Variants in PTPRD observed in about 807,000 individuals in gnomAD.
The protein encoded by PTPRD is receptor-type tyrosine-protein phosphatase delta.
In PTPRD, 34 loss-of-function variants were observed where a neutral mutation model predicts 214.5. The observed-to-expected ratio is 0.16, with a 90% CI of 0.12 to 0.21. PTPRD has a LOEUF of 0.21. PTPRD is among the 10% of genes least tolerant of loss of function. The pLI is 1.00. For missense variants in PTPRD, 2,545 were observed against 2,398.7 expected (o/e 1.06, Z -1.27); for synonymous variants, 1,128 against 845.7 (o/e 1.33, Z -5.79).
At position 10,279,193 on chromosome 9, in the gene PTPRD, A is replaced by AG. The variant is rs1312432288; in HGVS notation, c.-545+61769_-545+61770insC. Among the ~76,000 whole-genome samples the AG allele has an allele frequency of 3.5e-3, 538 of 152,296 alleles. 5 individuals are homozygous for AG. Among genetic ancestry groups the AG allele is most frequent in the African/African-American group, 0.012 (519 of 41,554 alleles). On this transcript the variant is annotated intron_variant, in intron 3 of 45. Coordinates refer to ENST00000381196, the MANE Select transcript of PTPRD (RefSeq NM_002839.4). ...CTCCACTCTTGTCAGTAGTAAGAAC[A>AG]TATTAACAAGTGTAGTTCAAGGGCA... is the stretch of plus-strand genomic sequence containing the variant.
At chr9:9,552,506 C>T (rs1007583825) in intron 8 of PTPRD, among the ~76,000 whole-genome samples, 2 of 152,016 alleles carry the variant, frequency 1.3e-5, no homozygotes, top group Non-Finnish European at 2.9e-5. Context: ...CTTACTTCAG[C>T]TTATGAAATG....
At chr9:9,115,980 A>T (rs1282837435) in intron 10 of PTPRD, among the ~76,000 whole-genome samples, 7 of 152,176 alleles carry the variant, frequency 4.6e-5, no homozygotes, top group Non-Finnish European at 8.8e-5. Flanking sequence ...CAGAAAATCA[A>T]ATACTGCATG....
intron 9 of PTPRD, among the ~76,000 whole-genome samples, chr9:9,344,711 T>A (rs959480889): frequency 7.9e-5 from 12 of 152,078 alleles, no homozygotes; most frequent in Admixed American, 2.0e-4. Flanking sequence ...ACATTTTAGA[T>A]GGTAGATACA....
chr9:9,693,900 A>G (rs1159738863), intron 7 of PTPRD, among the ~76,000 whole-genome samples: 1 of 152,162 alleles, frequency 6.6e-6, no homozygotes, highest in African/African-American at 2.4e-5. Flanking sequence ...TGCATTCTTC[A>G]TCATGTCAAT....
intron 9 of PTPRD, among the ~76,000 whole-genome samples, chr9:9,312,647 T>C (rs1308015653): frequency 2.0e-5 from 3 of 152,070 alleles, no homozygotes; most frequent in African/African-American, 7.2e-5. Flanking sequence ...GGGATGTCAT[T>C]TTGTCCCAGG....
At chr9:9,918,434 C>A (rs935564309) in intron 5 of PTPRD, among the ~76,000 whole-genome samples, 1 of 148,966 alleles carries the variant, frequency 6.7e-6, no homozygotes, top group African/African-American at 2.5e-5. Flanking sequence ...TAAAAAGACA[C>A]CCCATGCTCA....
intron 9 of PTPRD, among the ~76,000 whole-genome samples, chr9:9,333,028 G>A (rs1284205270): frequency 6.6e-6 from 1 of 152,058 alleles, no homozygotes; most frequent in Non-Finnish European, 1.5e-5. Context: ...CTGAATCGGT[G>A]GAACACAGAG....
intron 7 of PTPRD, among the ~76,000 whole-genome samples, chr9:9,588,307 T>C (rs2092321652): frequency 6.6e-6 from 1 of 151,956 alleles, no homozygotes; most frequent in Non-Finnish European, 1.5e-5. Context: ...ATTCAGTTCC[T>C]TTATTCATGG....
chr9:10,018,438 A>G (rs2096769873), intron 4 of PTPRD, among the ~76,000 whole-genome samples: 1 of 151,962 alleles, frequency 6.6e-6, no homozygotes, highest in Admixed American at 6.6e-5. Flanking sequence ...ATCGTGTGAT[A>G]CAAATAGCAG....
At chr9:9,319,426 T>C (rs1965237520) in intron 9 of PTPRD, among the ~76,000 whole-genome samples, 1 of 152,098 alleles carries the variant, frequency 6.6e-6, no homozygotes, top group Non-Finnish European at 1.5e-5. Context: ...TGGCCAAAGA[T>C]AAAAATAAAA....
intron 8 of PTPRD, among the ~76,000 whole-genome samples, chr9:9,477,226 T>C (rs910156885): frequency 6.6e-6 from 1 of 152,236 alleles, no homozygotes; most frequent in East Asian, 1.9e-4. Context: ...AGTTTACTAC[T>C]ATTCAACTGT....
chr9:9,672,612 A>G (rs2096852780), intron 7 of PTPRD, among the ~76,000 whole-genome samples: 1 of 152,114 alleles, frequency 6.6e-6, no homozygotes, highest in Non-Finnish European at 1.5e-5. Flanking sequence ...GCTACTTCAC[A>G]TAGAGAATGA....
chr9:9,150,562 T>C (rs1334289027), intron 10 of PTPRD, among the ~76,000 whole-genome samples: 1 of 150,896 alleles, frequency 6.6e-6, no homozygotes, highest in Non-Finnish European at 1.5e-5. Context: ...TGATTTCAGC[T>C]CAGCAAACTC....
At chr9:9,769,644 C>T (rs374966170) in intron 5 of PTPRD, among the ~76,000 whole-genome samples, 4 of 151,936 alleles carry the variant, frequency 2.6e-5, no homozygotes, top group Admixed American at 2.6e-4. Flanking sequence ...CCCTTTTATA[C>T]ACATGTGCAG....
At position 8,507,414 on chromosome 9, in the gene PTPRD, A is replaced by G. The variant is rs2097564509; in HGVS notation, c.1564T>C (p.Phe522Leu). 1.9e-6 allele frequency: 3 copies of G among 1,613,872 alleles called. No individual in the cohort carries two copies. In the African/African-American group the frequency reaches 4.0e-5, roughly 22 times the overall value. The part of the protein sequence containing the change: ...QTGVPGQPLN[F>L]KAEPESETSI... ...GTTTCAGACTCAGGTTCTGCTTTGA[A>G]GTTTAGTGGCTGCCCTGGTACTAAA... Residue 522 changes from phenylalanine to leucine, a missense_variant, in exon 22 of 46, where the codon TTC becomes CTC. Physicochemically the swap from Phe to Leu is conservative, Grantham distance 22. Coordinates refer to ENST00000381196, the MANE Select transcript of PTPRD (RefSeq NM_002839.4).
intron 3 of PTPRD, among the ~76,000 whole-genome samples, chr9:10,255,393 A>G (rs755130871): frequency 7.9e-5 from 12 of 152,228 alleles, no homozygotes; most frequent in Admixed American, 3.3e-4. Flanking sequence ...ATAACACAAT[A>G]GTAAGTGTTT....
intron 11 of PTPRD, among the ~76,000 whole-genome samples, chr9:8,820,175 T>A (rs946230659): frequency 6.6e-6 from 1 of 152,176 alleles, no homozygotes; most frequent in African/African-American, 2.4e-5. Context: ...TATATGCATA[T>A]CTGTAGCTTT....
chr9:10,360,871 G>A (rs546032711), intron 2 of PTPRD, among the ~76,000 whole-genome samples: 1 of 152,292 alleles, frequency 6.6e-6, no homozygotes, highest in South Asian at 2.1e-4. Flanking sequence ...GGGAGGCCAA[G>A]ACGGGCAGAT....
At chr9:9,762,735 T>A (rs1000634141) in intron 6 of PTPRD, among the ~76,000 whole-genome samples, 2 of 152,206 alleles carry the variant, frequency 1.3e-5, no homozygotes, top group Admixed American at 1.3e-4. Context: ...AACTCAGAAC[T>A]CTTCTAGCCT....
Sources: gnomAD v4.1 joint callset for allele counts (sites outside exome capture counted in the v4.1 genomes callset) on GRCh38, gnomAD v4.1.1 for gene constraint, MANE v1.5 for transcripts, NCBI Gene and HGNC (gene_info 2026-07-23, HGNC 2026-07-21) for gene names.